Variants in ANK2 observed in about 807,000 individuals in gnomAD.
The protein encoded by ANK2 is ankyrin 2, also known as ankyrin-2.
Under a neutral mutation model 360.5 loss-of-function variants are expected in ANK2, and 83 were observed. That is an observed-to-expected ratio of 0.23 (90% CI 0.19 to 0.28). The LOEUF (loss-of-function observed/expected upper bound fraction) is 0.28. Ranked by LOEUF, ANK2 falls within the 10% of genes least tolerant of loss-of-function variation. The probability of loss-of-function intolerance (pLI) is 1.00; values close to 1 mark genes in which losing one functional copy is unlikely to be tolerated. For missense variants in ANK2, 4,201 were observed against 4,795.7 expected, an observed-to-expected ratio of 0.88 and a Z score of 3.66; for synonymous variants, 1,740 against 1,759.5, an observed-to-expected ratio of 0.99 and a Z score of 0.28.
intron 14 of ANK2, among the ~76,000 whole-genome samples, chr4:113,265,462 G>A (rs2055424129): frequency 6.6e-6 from 1 of 151,942 alleles, no homozygotes; most frequent in Non-Finnish European, 1.5e-5. Context: ...TCATCTGTTT[G>A]CCTTCCCTCC....
the ANK2 span, among the ~76,000 whole-genome samples, chr4:112,743,456 G>A: frequency 2.0e-5 from 3 of 151,266 alleles, no homozygotes; most frequent in East Asian, 5.8e-4. Flanking sequence ...AATTAGGTTG[G>A]TGCAAAAGTA....
intron 4 of ANK2, among the ~76,000 whole-genome samples, chr4:113,210,704 A>G (rs143963685): frequency 6.6e-6 from 1 of 152,342 alleles, no homozygotes; most frequent in East Asian, 1.9e-4. Context: ...GAAAGAAATA[A>G]TTATGTAAAA....
chr4:112,949,776 C>A (rs2154251880), intron 2 of ANK2, among the ~76,000 whole-genome samples: 1 of 152,170 alleles, frequency 6.6e-6, no homozygotes, highest in South Asian at 2.1e-4. Context: ...AAGAAACAAA[C>A]AGGAAAAAGA....
the ANK2 span, among the ~76,000 whole-genome samples, chr4:112,799,705 C>A: frequency 6.6e-6 from 1 of 151,844 alleles, no homozygotes; most frequent in East Asian, 1.9e-4. Context: ...TTAGTAGAGA[C>A]AGGGTTTTGC....
chr4:113,356,202 G>C lies in ANK2; in HGVS notation c.7584G>C (p.Met2528Ile). 2.5e-6 allele frequency: 4 copies of C among 1,613,976 alleles called. No individual in the cohort carries two copies. Among genetic ancestry groups the C allele is most frequent in the Non-Finnish European group, 3.4e-6 (4 of 1,179,970 alleles). ...EDDSLEQTSL[M>I]ESSGKSPLSP... ...ACAGTCTTGAGCAGACATCGCTCAT[G>C]GAGAGCTCAGGGAAGAGCCCCCTTT... The change falls in exon 38 of 46, where the codon ATG becomes ATC. Residue 2528 changes from methionine to isoleucine, a missense_variant. This residue lies in a region of ANK2 where 2,642 missense variants were observed against 2,714.5 expected (regional missense o/e 0.97). Transcript: ENST00000357077.
intron 2 of ANK2, among the ~76,000 whole-genome samples, chr4:112,973,467 G>A (rs1410221565): frequency 1.3e-5 from 2 of 152,130 alleles, no homozygotes; most frequent in Non-Finnish European, 2.9e-5. Context: ...CTAGTTCAGC[G>A]CTGTTCCATC....
chr4:113,147,181 A>T (rs993244787), intron 1 of ANK2, among the ~76,000 whole-genome samples: 1 of 152,194 alleles, frequency 6.6e-6, no homozygotes, highest in Non-Finnish European at 1.5e-5. Context: ...AGAAAAAAAA[A>T]GGTGGGGAGG....
chr4:112,947,501 T>C (rs1561227683), intron 2 of ANK2, among the ~76,000 whole-genome samples: 1 of 152,126 alleles, frequency 6.6e-6, no homozygotes, highest in Non-Finnish European at 1.5e-5. Flanking sequence ...TTAGAAGGTA[T>C]ATATTTAATA....
chr4:113,201,125 T>C (rs2153415340), intron 4 of ANK2, among the ~76,000 whole-genome samples: 1 of 152,182 alleles, frequency 6.6e-6, no homozygotes, highest in East Asian at 1.9e-4. Context: ...GCTTTGGGTA[T>C]TTACCCAAAG....
At chr4:113,365,205 G>GTGTGTGTGTGTA in intron 41 of ANK2, 23 bp downstream of exon 41, 1 of 410,334 alleles carries the variant, frequency 2.4e-6, no homozygotes, top group Non-Finnish European at 3.5e-6. Flanking sequence ...GTGTGTATGT[G>GTGTGTGTGTGTA]TGTGTGTGTG....
chr4:113,265,059 G>A (rs1426176892), intron 14 of ANK2, 64 bp downstream of exon 14: 2 of 1,451,706 alleles, frequency 1.4e-6, no homozygotes, highest in African/African-American at 2.8e-5. Context: ...TTAAGAGAGG[G>A]TGTTGCCCTT....
rs951678475 is a variant in ANK2, at chr4:113,089,716, C to T, written c.84+39904C>T. On this transcript the variant is annotated intron_variant, in intron 1 of 45. Transcript: ENST00000357077. ...GGTGCATGCCACCATCCCAGCTACTCGGGAGGCTGAGGCAGGAGAATCGCT... is the reference window on the plus strand; with the variant it reads ...GGTGCATGCCACCATCCCAGCTACTTGGGAGGCTGAGGCAGGAGAATCGCT... Among the ~76,000 whole-genome samples the T allele has an allele frequency of 1.3e-4, 20 of 152,062 alleles. No individual in the cohort carries two copies. The East Asian group carries it at 3.7e-3, about 28-fold the overall frequency.
chr4:113,359,380 A>G, intron 38 of ANK2, 81 bp downstream of exon 38: 6 of 1,567,084 alleles, frequency 3.8e-6, no homozygotes, highest in Non-Finnish European at 3.5e-6. Context: ...GTTTTATTTG[A>G]TGATTTGTGT....
chr4:113,147,726 A>G (rs1419691650), intron 1 of ANK2, among the ~76,000 whole-genome samples: 1 of 152,218 alleles, frequency 6.6e-6, no homozygotes, highest in Non-Finnish European at 1.5e-5. Flanking sequence ...ATGAGAATGT[A>G]AGACTCACAA....
the ANK2 span, among the ~76,000 whole-genome samples, chr4:112,794,118 A>G: frequency 2.0e-5 from 3 of 152,236 alleles, no homozygotes; most frequent in African/African-American, 7.2e-5. Context: ...GACATTTTAC[A>G]ATGCAAACAC....
intron 2 of ANK2, among the ~76,000 whole-genome samples, chr4:113,176,182 A>G (rs752956966): frequency 2.0e-4 from 31 of 152,198 alleles, no homozygotes; most frequent in Non-Finnish European, 4.1e-4. Flanking sequence ...AGAAAGGGAT[A>G]GGGAACTGGT....
At chr4:112,754,606 A>G in the ANK2 span, among the ~76,000 whole-genome samples, 1 of 152,074 alleles carries the variant, frequency 6.6e-6, no homozygotes, top group East Asian at 1.9e-4. Flanking sequence ...GCTTATCTCC[A>G]AAAAACAGGG....
At chr4:113,360,561 T>G (rs1022711161) in intron 38 of ANK2, among the ~76,000 whole-genome samples, 2 of 152,170 alleles carry the variant, frequency 1.3e-5, no homozygotes, top group Admixed American at 1.3e-4. Context: ...ATAAGATTAC[T>G]AGAAATCAGC....
At chr4:112,891,920 AT>A (rs2080142011) in intron 1 of ANK2, among the ~76,000 whole-genome samples, 1 of 152,252 alleles carries the variant, frequency 6.6e-6, no homozygotes, top group Non-Finnish European at 1.5e-5. Flanking sequence ...TAAGTTCTCA[AT>A]AAATATTTAC....
Sources: allele counts gnomAD v4.1 joint callset (sites outside exome capture counted in the v4.1 genomes callset), GRCh38; gene constraint gnomAD v4.1.1; regional missense constraint gnomAD v4.1.1; transcripts MANE v1.5; gene names NCBI Gene and HGNC (gene_info 2026-07-23, HGNC 2026-07-21).